EHMT1: variants seen among roughly 807,000 people sequenced by gnomAD.
EHMT1 encodes histone-lysine N-methyltransferase EHMT1.
Under a neutral mutation model 147.2 loss-of-function variants are expected in EHMT1, and 15 were observed. The ratio of observed to expected loss-of-function variants is 0.10; its 90% CI spans 0.07 to 0.16. The LOEUF is 0.16. EHMT1 is among the 10% of genes least tolerant of loss of function. EHMT1 has a pLI of 1.00. For synonymous variants in EHMT1, 795 were observed against 709.6 expected (o/e 1.12, Z -1.91); for missense variants, 1,587 against 1,772.4 (o/e 0.90, Z 1.88).
intron 1 of EHMT1, among the ~76,000 whole-genome samples, chr9:137,697,725 A>G (rs924025083): frequency 2.6e-5 from 4 of 152,234 alleles, no homozygotes; most frequent in African/African-American, 9.6e-5. Flanking sequence ...AATTACAAGA[A>G]GTCTTCAGTA....
intron 25 of EHMT1, 197 bp from the exon 26 acceptor site, chr9:137,834,152 G>A: frequency 1.5e-6 from 1 of 689,306 alleles, no homozygotes; most frequent in Admixed American, 2.7e-5. Flanking sequence ...CAGGGTGCGG[G>A]GTGGGTGGCC....
intron 1 of EHMT1, among the ~76,000 whole-genome samples, chr9:137,693,442 G>A (rs1943109124): frequency 6.6e-6 from 1 of 152,118 alleles, no homozygotes; most frequent in Admixed American, 6.5e-5. Flanking sequence ...AGAGGAAACG[G>A]GCACAGAGAG....
At chr9:137,796,509 C>G (rs1424129371) in intron 16 of EHMT1, among the ~76,000 whole-genome samples, 2 of 151,722 alleles carry the variant, frequency 1.3e-5, no homozygotes, top group Non-Finnish European at 2.9e-5. Flanking sequence ...TCGAGGCCAT[C>G]CTGGCTAACA....
intron 4 of EHMT1, among the ~76,000 whole-genome samples, chr9:137,729,185 G>A (rs765829549): frequency 1.8e-4 from 27 of 152,156 alleles, no homozygotes; most frequent in Non-Finnish European, 3.5e-4. Flanking sequence ...GCCAGCCCTC[G>A]TGAATGCTGG....
In EHMT1 at chr9:137,813,650, A is replaced by C. The variant is rs1437319177; in HGVS notation, c.3180+120A>C. ...CAGGAGGGCTTATGGGGGGCTTCCC[A>C]GGAAGACCTCATTCTCTTTGTAGTT... On this transcript the variant is annotated intron_variant, in intron 21 of 26. Transcript: ENST00000460843. The surrounding 1 kb of genome is among the most constrained non-coding windows in gnomAD (Gnocchi z 4.9). The C allele has an allele frequency of 3.6e-6, 5 of 1,393,400 alleles. No homozygotes were observed. The highest frequency in any genetic ancestry group is 4.0e-6 in the Non-Finnish European group (4 of 1,011,604). 86.3% of individuals were successfully genotyped at this position (1,393,400 alleles called of 1,614,324 possible).
intron 4 of EHMT1, 178 bp from the exon 5 acceptor site, chr9:137,743,193 G>T (rs556942202): frequency 1.1e-5 from 7 of 651,340 alleles, no homozygotes; most frequent in African/African-American, 1.8e-5. Flanking sequence ...TGAATTGATC[G>T]TGAGGGAAGG....
At chr9:137,695,068 A>G (rs1943286062) in intron 1 of EHMT1, among the ~76,000 whole-genome samples, 1 of 152,224 alleles carries the variant, frequency 6.6e-6, no homozygotes, top group South Asian at 2.1e-4. Flanking sequence ...CTCTAAACAG[A>G]CAGGTTTTGG....
At chr9:137,817,316 C>T (rs1954997991) in intron 23 of EHMT1, 123 bp from the exon 24 acceptor site, 1 of 1,120,830 alleles carries the variant, frequency 8.9e-7, no homozygotes. Flanking sequence ...GCATCGAACG[C>T]TTCGGATACA....
chr9:137,792,188 A>G, intron 16 of EHMT1: 1 of 452,078 alleles, frequency 2.2e-6, no homozygotes, highest in South Asian at 1.6e-5. Flanking sequence ...CAGTAATGAA[A>G]ACAGTGTGGG....
Position 137,743,519 on chromosome 9 carries a change from G to A in EHMT1, c.972G>A (p.Val324=), listed in dbSNP as rs1368573421. The part of the protein sequence containing the change: ...EMFKSITHST[V]GSKGEKDLGA... Reference sequence around the variant, plus strand: ...TTAAGAGCATAACTCATTCCACTGTGGGTTCCAAGGTAAGAGACGCATTTG... The same window carrying A: ...TTAAGAGCATAACTCATTCCACTGTAGGTTCCAAGGTAAGAGACGCATTTG... The change falls in exon 5 of 27, where the codon GTG becomes GTA. Residue 324 remains valine (V), a synonymous_variant. Transcript: ENST00000460843. The A allele has an allele frequency of 3.1e-6, 5 of 1,614,102 alleles. No individual in the cohort carries two copies. The highest frequency in any genetic ancestry group is 4.2e-6 in the Non-Finnish European group (5 of 1,180,018).
Position 137,688,226 on chromosome 9 carries a change from G to A in EHMT1, c.22-22741G>A, listed in dbSNP as rs1400034280. 6.6e-5 allele frequency among the ~76,000 whole-genome samples: 10 copies of A among 152,296 alleles called. No homozygotes were observed. The East Asian group carries it at 1.7e-3, about 26-fold the overall frequency. ...TTTAGTAGAGACAGGGGTTCACCAT[G>A]TTGGCCAGGCTGGTCTCGAACTCCT... On this transcript the variant is annotated intron_variant, in intron 1 of 26. Coordinates refer to ENST00000460843, the MANE Select transcript of EHMT1 (RefSeq NM_024757.5).
chr9:137,811,684 A>C, intron 19 of EHMT1, 69 bp downstream of exon 19: 1 of 1,592,078 alleles, frequency 6.3e-7, no homozygotes, highest in Non-Finnish European at 8.5e-7. Context: ...AGACCGCTTG[A>C]CAGTCTTGTG....
rs543280328 is a variant in EHMT1, at chr9:137,691,309, TTA to T, written c.22-19643_22-19642del. 3.1e-4 allele frequency among the ~76,000 whole-genome samples: 46 copies of T among 147,596 alleles called. No individual in the cohort carries two copies. In the East Asian group the frequency reaches 3.3e-3, roughly 11 times the overall value. On this transcript the variant is annotated intron_variant, in intron 1 of 26. Transcript: ENST00000460843. ...TTAAGGCTGAATAGTATATATGTAA[TTA>T]TATATATATATATAAAATATATTTT...
At chr9:137,809,616 TCCCAGA>T (rs1407882517) in intron 18 of EHMT1, among the ~76,000 whole-genome samples, 2 of 152,198 alleles carry the variant, frequency 1.3e-5, no homozygotes, top group Admixed American at 6.5e-5. Flanking sequence ...CAGCCGGCGC[TCCCAGA>T]CACCAGCAGA....
At chr9:137,677,840 C>T (rs1191126153) in intron 1 of EHMT1, among the ~76,000 whole-genome samples, 4 of 151,342 alleles carry the variant, frequency 2.6e-5, no homozygotes, top group African/African-American at 7.3e-5. Flanking sequence ...GGGCGGATCA[C>T]GAAGTCAGGA....
At chr9:137,817,361 A>C in intron 23 of EHMT1, 78 bp from the exon 24 acceptor site, 22 of 1,484,684 alleles carry the variant, frequency 1.5e-5, no homozygotes, top group East Asian at 2.3e-5. Flanking sequence ...GTGACGTGGC[A>C]CCAGCTGGCT....
rs1043873781 is a variant in EHMT1 at position 137,786,141 on chromosome 9, T to G, written c.2382+3744T>G. On this transcript the variant is annotated intron_variant, in intron 15 of 26. Transcript: ENST00000460843. This position sits in a 1 kb window ranked among gnomAD's most constrained non-coding sequence, Gnocchi z 4.3. ...CTTCGTTCTGTTTTACAGCCTCTTG[T>G]GAGTTTAGTGCCGTGAAATAACATG... The G allele has an allele frequency of 6.6e-6, 1 of 152,244 alleles. No individual in the cohort carries two copies. Among genetic ancestry groups the G allele is most frequent in the African/African-American group, 2.4e-5 (1 of 41,424 alleles). The allele number at this position is 152,244 out of a possible 1,614,324, so 9.4% of individuals were successfully genotyped here.
intron 1 of EHMT1, among the ~76,000 whole-genome samples, chr9:137,656,695 T>G (rs1292671611): frequency 1.3e-5 from 2 of 151,524 alleles, no homozygotes; most frequent in African/African-American, 2.4e-5. Flanking sequence ...GGCCTCTCCC[T>G]GCTTCTCACC....
Position 137,835,053 on chromosome 9 carries a change from C to G in EHMT1, c.*100C>G, listed in dbSNP as rs1020399229. 2.3e-6 allele frequency: 3 copies of G among 1,284,084 alleles called. No individual in the cohort carries two copies. Among genetic ancestry groups the G allele is most frequent in the Non-Finnish European group, 3.0e-6 (3 of 1,004,586 alleles). The allele number at this position is 1,284,084 out of a possible 1,614,324, so 79.5% of individuals were successfully genotyped here. A position where few individuals can be genotyped will look rare whatever the true frequency, so the allele number is the denominator to read the frequency against. ...TCCGCACGCAACCGAAAGGGTCCTT[C>G]GGGGCTGCGCCGCCGGCTTCCTGGA... On this transcript the variant is annotated 3_prime_UTR_variant, in exon 27 of 27. Coordinates refer to ENST00000460843, the MANE Select transcript of EHMT1 (RefSeq NM_024757.5).
Sources: gnomAD v4.1 joint callset for allele counts (sites outside exome capture counted in the v4.1 genomes callset) on GRCh38, gnomAD v4.1.1 for gene constraint, Gnocchi (gnomAD v3.1) non-coding constraint, MANE v1.5 for transcripts, NCBI Gene and HGNC (gene_info 2026-07-23, HGNC 2026-07-21) for gene names.